Variants in TMED8 observed in about 807,000 individuals in gnomAD.
TMED8 encodes the protein transmembrane p24 trafficking protein family member 8, also known as protein TMED8.
TMED8 carries 15 observed loss-of-function variants against 32.7 expected under a neutral mutation model. The ratio of observed to expected loss-of-function variants is 0.46; its 90% CI spans 0.31 to 0.71. The LOEUF (loss-of-function observed/expected upper bound fraction) is 0.71. Among genes scored for constraint, TMED8 ranks in the 30% least tolerant of loss-of-function variants. TMED8 has a pLI of 0.06. For missense variants in TMED8, 390 were observed against 423.9 expected (o/e 0.92, Z 0.70); for synonymous variants, 147 against 161.4 (o/e 0.91, Z 0.68).
intron 1 of TMED8, among the ~76,000 whole-genome samples, chr14:77,374,496 G>C (rs527919029): frequency 6.2e-4 from 95 of 152,312 alleles, no homozygotes; most frequent in African/African-American, 2.2e-3. Flanking sequence ...CAGTTGTGAC[G>C]AGCAAAAATG....
intron 3 of TMED8, 144 bp from the exon 4 acceptor site, chr14:77,343,967 T>C (rs1042151303): frequency 1.3e-6 from 1 of 779,632 alleles, no homozygotes; most frequent in Non-Finnish European, 1.9e-6. Flanking sequence ...GTTCCTTCTC[T>C]TTCTTCCAAA....
chr14:77,347,168 A>G (rs1281321491), intron 2 of TMED8, among the ~76,000 whole-genome samples: 1 of 151,956 alleles, frequency 6.6e-6, no homozygotes, highest in African/African-American at 2.4e-5. Flanking sequence ...CACAGGGCCC[A>G]CAGAATTTTA....
rs1566682182 is a variant in TMED8 at position 77,340,659 on chromosome 14, G to C, written c.*1112C>G. The C allele has an allele frequency of 1.3e-5, 2 of 152,200 alleles. No homozygotes were observed. 9.4% of individuals were successfully genotyped at this position (152,200 alleles called of 1,614,324 possible). ...CCAGGGAAATGCAAGCTTTGGTCAGGTAAAGAACAAATACAATCAGCAGCA... is the reference window on the plus strand; with the variant it reads ...CCAGGGAAATGCAAGCTTTGGTCAGCTAAAGAACAAATACAATCAGCAGCA... On this transcript the variant is annotated 3_prime_UTR_variant, in exon 6 of 6. Coordinates refer to ENST00000216468, the MANE Select transcript of TMED8 (RefSeq NM_213601.3).
In TMED8 at chr14:77,340,433, C is replaced by T. The variant is rs907003489; in HGVS notation, c.*1338G>A. 2.6e-5 allele frequency: 4 copies of T among 152,178 alleles called. No individual in the cohort carries two copies. The highest frequency in any genetic ancestry group is 4.8e-5 in the African/African-American group (2 of 41,440). The allele number at this position is 152,178 out of a possible 1,614,324, so 9.4% of individuals were successfully genotyped here. ...ATAAATCTAATTATTCTTCAGAATT[C>T]GTAGGCAGTAACAGACATAACACGA... is the stretch of plus-strand genomic sequence containing the variant. On this transcript the variant is annotated 3_prime_UTR_variant, in exon 6 of 6. Transcript: ENST00000216468.
chr14:77,344,177 A>C (rs1351625863), intron 3 of TMED8, among the ~76,000 whole-genome samples: 1 of 152,196 alleles, frequency 6.6e-6, no homozygotes, highest in Non-Finnish European at 1.5e-5. Context: ...TCACCTGCAC[A>C]GTACCTCCCT....
chr14:77,370,302 A>C (rs569048512), intron 1 of TMED8, among the ~76,000 whole-genome samples: 1 of 152,318 alleles, frequency 6.6e-6, no homozygotes, highest in African/African-American at 2.4e-5. Context: ...AAAAAGGTTA[A>C]ATTTTTAGAC....
In TMED8 at chr14:77,341,839, T is replaced by C; in HGVS notation, c.910A>G (p.Lys304Glu). 1 of 1,613,380 alleles carries C rather than the reference T, an allele frequency of 6.2e-7. No individual in the cohort carries two copies. The highest frequency in any genetic ancestry group is 8.5e-7 in the Non-Finnish European group (1 of 1,179,926). ...AGCAGGGAGTAGGAGTTGTCGAACT[T>C]GAGCAGGTAGATGCCCTCACCAGGG... ...DYPGEGIYLL[K>E]FDNSYSLLRN... is the part of the protein sequence containing the mutation. The change falls in exon 6 of 6, where the codon AAG (lysine) becomes GAG (glutamate). Residue 304 changes from lysine to glutamate, a missense_variant. Physicochemically the swap from Lys to Glu is moderately conservative, Grantham distance 56. Coordinates refer to ENST00000216468, the MANE Select transcript of TMED8 (RefSeq NM_213601.3).
intron 4 of TMED8, 50 bp downstream of exon 4, chr14:77,343,647 T>A (rs771102195): frequency 6.2e-7 from 1 of 1,604,956 alleles, no homozygotes; most frequent in Non-Finnish European, 8.5e-7. Flanking sequence ...CTGCCTTTCT[T>A]TGAGTATCTA....
intron 3 of TMED8, among the ~76,000 whole-genome samples, chr14:77,344,947 G>C (rs1231855350): frequency 6.6e-6 from 1 of 152,178 alleles, no homozygotes; most frequent in Non-Finnish European, 1.5e-5. Context: ...CATAGCCTTA[G>C]TAAAGTCTCT....
At chr14:77,368,196 A>C (rs1434846859) in intron 1 of TMED8, among the ~76,000 whole-genome samples, 1 of 152,174 alleles carries the variant, frequency 6.6e-6, no homozygotes, top group Non-Finnish European at 1.5e-5. Flanking sequence ...TAGAAATTTG[A>C]ATGTTAAATT....
At chr14:77,370,820 G>A (rs958726848) in intron 1 of TMED8, among the ~76,000 whole-genome samples, 27 of 151,734 alleles carry the variant, frequency 1.8e-4, no homozygotes, top group South Asian at 1.5e-3. Context: ...GTGGTGGTGC[G>A]TGCCTGTAAT....
At position 77,346,331 on chromosome 14, in the gene TMED8, C is replaced by A; in HGVS notation, c.327+18G>T. 6.2e-7 allele frequency: 1 copy of A among 1,612,934 alleles called. No individual in the cohort carries two copies. The highest frequency in any genetic ancestry group is 8.5e-7 in the Non-Finnish European group (1 of 1,179,396). ...TGGTGCCTCCTTTCATAAGAAAGAG[C>A]CAGAATCTGCCCCCTACCTCATTGA... On this transcript the variant is annotated intron_variant, in intron 3 of 5. Transcript: ENST00000216468.
chr14:77,355,094 T>C (rs1188756764), intron 1 of TMED8, among the ~76,000 whole-genome samples: 1 of 152,042 alleles, frequency 6.6e-6, no homozygotes, highest in Non-Finnish European at 1.5e-5. Context: ...AACATTTTGA[T>C]GTATATCCCT....
chr14:77,343,851 G>C (rs17105723), intron 3 of TMED8, 28 bp from the exon 4 acceptor site: 92,602 of 1,594,950 alleles, frequency 0.058, 4,083 homozygotes, highest in African/African-American at 0.23. Context: ...GGTTAAAGGA[G>C]TATTCGAGTG....
intron 5 of TMED8, among the ~76,000 whole-genome samples, chr14:77,342,963 G>A (rs184594608): frequency 1.4e-4 from 21 of 152,230 alleles, no homozygotes; most frequent in African/African-American, 5.1e-4. Flanking sequence ...AAAACAATGA[G>A]GTACCGATAA....
chr14:77,349,458 C>T (rs1893130498), intron 2 of TMED8, among the ~76,000 whole-genome samples: 1 of 152,148 alleles, frequency 6.6e-6, no homozygotes, highest in Admixed American at 6.5e-5. Flanking sequence ...TCAGAATCCT[C>T]ACTCTGCCCT....
At chr14:77,360,791 A>G (rs1893418360) in intron 1 of TMED8, among the ~76,000 whole-genome samples, 1 of 152,108 alleles carries the variant, frequency 6.6e-6, no homozygotes, top group South Asian at 2.1e-4. Flanking sequence ...CATCATCTAC[A>G]TTTGTACCAA....
intron 5 of TMED8, 89 bp from the exon 6 acceptor site, chr14:77,342,077 C>T: frequency 1.8e-6 from 2 of 1,106,418 alleles, no homozygotes; most frequent in African/African-American, 3.1e-5. Flanking sequence ...GTGGCTTTCA[C>T]AGAGCGGGGA....
intron 3 of TMED8, among the ~76,000 whole-genome samples, chr14:77,345,968 CAAAA>C (rs370981070): frequency 1.3e-5 from 1 of 76,640 alleles, no homozygotes; most frequent in Non-Finnish European, 2.5e-5. Flanking sequence ...GACCCTGTCT[CAAAA>C]AAAAAAAAAA....
Sources: allele counts gnomAD v4.1 joint callset (sites outside exome capture counted in the v4.1 genomes callset), GRCh38; gene constraint gnomAD v4.1.1; transcripts MANE v1.5; gene names NCBI Gene and HGNC (gene_info 2026-07-23, HGNC 2026-07-21).